Variants in NTM observed in about 807,000 individuals in gnomAD.
The protein encoded by NTM is IgLON family member 2.
NTM carries 13 observed loss-of-function variants against 42.1 expected under a neutral mutation model. The observed-to-expected ratio is 0.31, with a 90% CI of 0.20 to 0.49. The LOEUF (loss-of-function observed/expected upper bound fraction) is 0.49. NTM is among the 20% of genes least tolerant of loss of function. The probability of loss-of-function intolerance (pLI) is 0.99; values close to 1 mark genes in which losing one functional copy is unlikely to be tolerated. For synonymous variants in NTM, 187 were observed against 179.2 expected (o/e 1.04, Z -0.35); for missense variants, 373 against 452.8 (o/e 0.82, Z 1.60).
At chr11:131,581,287 T>C (rs2058387202) in intron 1 of NTM, among the ~76,000 whole-genome samples, 1 of 152,026 alleles carries the variant, frequency 6.6e-6, no homozygotes, top group Non-Finnish European at 1.5e-5. Context: ...GTAGATACTG[T>C]TCTTTTCCTC....
chr11:132,016,163 G>A (rs988553492), intron 2 of NTM, among the ~76,000 whole-genome samples: 14 of 151,500 alleles, frequency 9.2e-5, no homozygotes, highest in Non-Finnish European at 1.8e-4. Context: ...TTATTGAAAT[G>A]ATCATATGGT....
intron 7 of NTM, among the ~76,000 whole-genome samples, chr11:132,318,513 C>A (rs2095487411): frequency 1.3e-5 from 2 of 152,182 alleles, no homozygotes; most frequent in South Asian, 4.1e-4. Context: ...CAGTCCTCCC[C>A]TGCAAATATC....
chr11:131,606,606 AAAT>A (rs919632620), intron 1 of NTM, among the ~76,000 whole-genome samples: 17 of 152,208 alleles, frequency 1.1e-4, no homozygotes, highest in Non-Finnish European at 2.4e-4. Context: ...AGACAAAACA[AAAT>A]AACACATGGG....
At chr11:132,118,953 G>A (rs1287780377) in intron 2 of NTM, among the ~76,000 whole-genome samples, 1 of 152,106 alleles carries the variant, frequency 6.6e-6, no homozygotes, top group Non-Finnish European at 1.5e-5. Context: ...AGGGGGAGGA[G>A]TAGAGATAGA....
intron 1 of NTM, among the ~76,000 whole-genome samples, chr11:131,713,247 C>T (rs12797985): frequency 0.19 from 29,214 of 152,080 alleles, 3,361 homozygotes; most frequent in East Asian, 0.38. Flanking sequence ...CGACACAATG[C>T]CGTAATACAA....
intron 1 of NTM, chr11:131,776,942 G>T (rs1455367842): frequency 1.3e-5 from 2 of 155,116 alleles, no homozygotes; most frequent in African/African-American, 4.8e-5. Context: ...CTTAGTAAAG[G>T]CTATACCAAT....
At chr11:131,883,505 G>GAA in intron 1 of NTM, among the ~76,000 whole-genome samples, 1 of 152,018 alleles carries the variant, frequency 6.6e-6, no homozygotes, top group East Asian at 1.9e-4. Context: ...GAGGGAGAGA[G>GAA]AAAAAACAGC....
intron 1 of NTM, among the ~76,000 whole-genome samples, chr11:131,665,529 C>T (rs1086216): frequency 0.79 from 120,476 of 152,096 alleles, 48,247 homozygotes; most frequent in East Asian, 0.88. Context: ...TTATAGAAAG[C>T]GATTGGGACA....
At chr11:131,785,652 T>A (rs1243447171) in intron 1 of NTM, among the ~76,000 whole-genome samples, 1 of 152,172 alleles carries the variant, frequency 6.6e-6, no homozygotes, top group Non-Finnish European at 1.5e-5. Flanking sequence ...AAGGCAGAAA[T>A]CTTGCTCAAA....
chr11:132,083,831 T>G (rs1416508023), intron 2 of NTM, among the ~76,000 whole-genome samples: 1 of 152,182 alleles, frequency 6.6e-6, no homozygotes, highest in Non-Finnish European at 1.5e-5. Context: ...TACTCACAGA[T>G]AGTTTTCAAA....
At chr11:131,895,002 C>T (rs935504332) in intron 1 of NTM, among the ~76,000 whole-genome samples, 18 of 152,238 alleles carry the variant, frequency 1.2e-4, no homozygotes, top group African/African-American at 4.3e-4. Flanking sequence ...AACTGAAGCT[C>T]GACCCTTGCA....
chr11:131,492,698 C>T (rs1325833069), intron 1 of NTM, among the ~76,000 whole-genome samples: 1 of 152,114 alleles, frequency 6.6e-6, no homozygotes, highest in Non-Finnish European at 1.5e-5. Context: ...TTAAATAGAT[C>T]CATGTGTCTG....
chr11:131,441,641 T>C (rs1481288846), intron 1 of NTM, among the ~76,000 whole-genome samples: 2 of 152,218 alleles, frequency 1.3e-5, no homozygotes, highest in Non-Finnish European at 2.9e-5. Flanking sequence ...AGGTATTATA[T>C]TCCAAACCCA....
At chr11:131,730,926 T>C (rs966925949) in intron 1 of NTM, among the ~76,000 whole-genome samples, 1 of 152,128 alleles carries the variant, frequency 6.6e-6, no homozygotes, top group African/African-American at 2.4e-5. Flanking sequence ...GACAGTAAGA[T>C]CTCACCAAGT....
At chr11:131,733,051 A>C (rs1219948669) in intron 1 of NTM, among the ~76,000 whole-genome samples, 1 of 152,196 alleles carries the variant, frequency 6.6e-6, no homozygotes, top group Non-Finnish European at 1.5e-5. Context: ...ATTGTTGATC[A>C]TTAAGATAAT....
intron 1 of NTM, among the ~76,000 whole-genome samples, chr11:131,404,789 A>G (rs1945631732): frequency 6.6e-6 from 1 of 152,118 alleles, no homozygotes; most frequent in Non-Finnish European, 1.5e-5. Context: ...CCCTTCATTG[A>G]GTGATAGGCA....
At chr11:131,380,103 A>T (rs1349217504) in intron 1 of NTM, among the ~76,000 whole-genome samples, 3 of 152,074 alleles carry the variant, frequency 2.0e-5, no homozygotes, top group Non-Finnish European at 2.9e-5. Context: ...GCACACGAGC[A>T]TGCTGTTCCT....
intron 2 of NTM, among the ~76,000 whole-genome samples, chr11:132,080,037 G>A (rs1041289967): frequency 2.6e-5 from 4 of 152,076 alleles, no homozygotes; most frequent in Non-Finnish European, 5.9e-5. Flanking sequence ...CATGGTACAG[G>A]GTTTTGATGT....
At chr11:131,747,577 A>G (rs2081974554) in intron 1 of NTM, among the ~76,000 whole-genome samples, 1 of 152,152 alleles carries the variant, frequency 6.6e-6, no homozygotes, top group African/African-American at 2.4e-5. Flanking sequence ...AGTGGTGTAA[A>G]TAAAATGCAA....
Sources: gnomAD v4.1 joint callset for allele counts (sites outside exome capture counted in the v4.1 genomes callset) on GRCh38, gnomAD v4.1.1 for gene constraint, MANE v1.5 for transcripts, NCBI Gene and HGNC (gene_info 2026-07-23, HGNC 2026-07-21) for gene names.